DOK6: variants seen among roughly 807,000 people sequenced by gnomAD.
DOK6 encodes the protein docking protein 6, also known as downstream of tyrosine kinase 6.
A neutral mutation model predicts 44.0 loss-of-function variants in DOK6; 22 were observed. The observed-to-expected ratio is 0.50, with a 90% CI of 0.36 to 0.71. DOK6 has a LOEUF of 0.71. Among genes scored for constraint, DOK6 ranks in the 30% least tolerant of loss-of-function variants. The pLI is 0.00. For synonymous variants in DOK6, 166 were observed against 145.5 expected (o/e 1.14, Z -1.01); for missense variants, 340 against 416.4 (o/e 0.82, Z 1.60).
intron 1 of DOK6, among the ~76,000 whole-genome samples, chr18:69,406,432 C>T (rs563986848): frequency 1.3e-5 from 2 of 152,202 alleles, no homozygotes; most frequent in East Asian, 3.9e-4. Flanking sequence ...CAAATACAGA[C>T]ATTGTGGCTG....
intron 4 of DOK6, among the ~76,000 whole-genome samples, chr18:69,685,317 A>AT (rs909266750): frequency 6.6e-6 from 1 of 152,278 alleles, no homozygotes; most frequent in African/African-American, 2.4e-5. Flanking sequence ...CAAAGTTAGT[A>AT]TGTCATCAAG....
At chr18:69,799,165 A>G (rs891237642) in intron 7 of DOK6, among the ~76,000 whole-genome samples, 5 of 152,056 alleles carry the variant, frequency 3.3e-5, no homozygotes, top group Admixed American at 3.3e-4. Context: ...ACCTATAAGA[A>G]AAAAAATGGA....
At chr18:69,699,530 G>A (rs1203942336) in intron 5 of DOK6, among the ~76,000 whole-genome samples, 1 of 151,752 alleles carries the variant, frequency 6.6e-6, no homozygotes, top group African/African-American at 2.4e-5. Flanking sequence ...GGGCCCTTTT[G>A]CACTACAGTA....
chr18:69,546,684 A>C (rs73453806), intron 1 of DOK6, among the ~76,000 whole-genome samples: 7,849 of 151,420 alleles, frequency 0.052, 688 homozygotes, highest in African/African-American at 0.17. Flanking sequence ...TTGGTACATA[A>C]TATTTTGCAT....
At chr18:69,534,418 A>G (rs1409408005) in intron 1 of DOK6, among the ~76,000 whole-genome samples, 4 of 152,134 alleles carry the variant, frequency 2.6e-5, no homozygotes, top group African/African-American at 9.7e-5. Context: ...TATGTGTTTT[A>G]GATATATAAT....
intron 1 of DOK6, among the ~76,000 whole-genome samples, chr18:69,426,498 A>C (rs761397329): frequency 6.6e-6 from 1 of 152,212 alleles, no homozygotes; most frequent in African/African-American, 2.4e-5. Context: ...TCACCTATGA[A>C]AGTCGTTTTA....
At chr18:69,751,858 T>C (rs953509918) in intron 6 of DOK6, among the ~76,000 whole-genome samples, 1 of 151,024 alleles carries the variant, frequency 6.6e-6, no homozygotes, top group Admixed American at 6.6e-5. Flanking sequence ...AAAAAAAAAG[T>C]GCACAAAAAA....
chr18:69,401,856 TC>T (rs1324090194), intron 1 of DOK6, among the ~76,000 whole-genome samples: 2 of 152,070 alleles, frequency 1.3e-5, no homozygotes, highest in Non-Finnish European at 2.9e-5. Flanking sequence ...CCGCAAGTGC[TC>T]CCCTACCCGG....
At chr18:69,586,941 G>C (rs1231619332) in intron 2 of DOK6, among the ~76,000 whole-genome samples, 1 of 152,146 alleles carries the variant, frequency 6.6e-6, no homozygotes, top group African/African-American at 2.4e-5. Context: ...AATAAAAAAA[G>C]AAAAGCATAT....
chr18:69,518,149 G>T (rs191582143), intron 1 of DOK6, among the ~76,000 whole-genome samples: 10 of 151,942 alleles, frequency 6.6e-5, no homozygotes, highest in East Asian at 1.9e-4. Flanking sequence ...CCTTAATTTT[G>T]GGAAAGCATT....
At chr18:69,486,946 T>G (rs1303316408) in intron 1 of DOK6, among the ~76,000 whole-genome samples, 6 of 152,172 alleles carry the variant, frequency 3.9e-5, no homozygotes, top group Non-Finnish European at 8.8e-5. Flanking sequence ...TTCATCCTTA[T>G]TTTTCACCCC....
chr18:69,680,410 C>CTT (rs1986018440), intron 4 of DOK6, among the ~76,000 whole-genome samples: 1 of 152,180 alleles, frequency 6.6e-6, no homozygotes, highest in Non-Finnish European at 1.5e-5. Flanking sequence ...GTCTGCACCC[C>CTT]CCTCTTTAAA....
rs369405563 is a variant in DOK6 at position 69,642,776 on chromosome 18, C to A, written c.290-34958C>A. On this transcript the variant is annotated intron_variant, in intron 3 of 7. Coordinates refer to ENST00000382713, the MANE Select transcript of DOK6 (RefSeq NM_152721.6). ...GAAGGTACACGATGCCAATTTGTCC[C>A]CTTATGGGCAATGATAGTTTTAGCT... Among the ~76,000 whole-genome samples the A allele has an allele frequency of 1.8e-4, 27 of 152,260 alleles. No individual in the cohort carries two copies. The East Asian group carries it at 4.4e-3, about 25-fold the overall frequency.
intron 6 of DOK6, among the ~76,000 whole-genome samples, chr18:69,756,974 G>A (rs1979375587): frequency 6.6e-6 from 1 of 152,218 alleles, no homozygotes; most frequent in South Asian, 2.1e-4. Context: ...ATTTCTGCAT[G>A]CTTCTTGAAA....
intron 1 of DOK6, among the ~76,000 whole-genome samples, chr18:69,468,945 C>T (rs1192695940): frequency 2.0e-5 from 3 of 152,180 alleles, no homozygotes; most frequent in Admixed American, 1.3e-4. Context: ...AAGCCGCACC[C>T]GGATTTTCTG....
intron 1 of DOK6, among the ~76,000 whole-genome samples, chr18:69,499,726 G>T (rs1980996105): frequency 6.6e-6 from 1 of 152,102 alleles, no homozygotes; most frequent in African/African-American, 2.4e-5. Flanking sequence ...AGCCTAACAG[G>T]CGCTCAGACT....
intron 1 of DOK6, among the ~76,000 whole-genome samples, chr18:69,520,418 C>T (rs1429449109): frequency 6.6e-6 from 1 of 151,648 alleles, no homozygotes. Context: ...TTTTATCTTA[C>T]TTCTCTTATT....
intron 4 of DOK6, among the ~76,000 whole-genome samples, chr18:69,680,411 C>A (rs937025338): frequency 1.3e-5 from 2 of 152,202 alleles, no homozygotes; most frequent in East Asian, 1.9e-4. Context: ...TCTGCACCCC[C>A]CTCTTTAAAG....
intron 2 of DOK6, among the ~76,000 whole-genome samples, chr18:69,577,864 A>G (rs1983274708): frequency 1.3e-5 from 2 of 152,170 alleles, no homozygotes; most frequent in Non-Finnish European, 1.5e-5. Flanking sequence ...ATTTTACAAA[A>G]TCTTAGATAT....
Sources: allele counts gnomAD v4.1 joint callset (sites outside exome capture counted in the v4.1 genomes callset), GRCh38; gene constraint gnomAD v4.1.1; transcripts MANE v1.5; gene names NCBI Gene and HGNC (gene_info 2026-07-23, HGNC 2026-07-21).